The following DCDC1 variants were observed in gnomAD, a reference collection of about 807,000 sequenced individuals.
DCDC1 encodes doublecortin domain-containing protein 1.
A neutral mutation model predicts 178.3 loss-of-function variants in DCDC1; 200 were observed. The observed-to-expected ratio is 1.12, with a 90% confidence interval of 1.00 to 1.26. The LOEUF (loss-of-function observed/expected upper bound fraction) is 1.26. Ranked by LOEUF, DCDC1 falls within the 50% of genes most tolerant of loss-of-function variation. The pLI is 0.00. For missense variants in DCDC1, 1,983 were observed against 1,749.2 expected (o/e 1.13, Z -2.38); for synonymous variants, 690 against 604.8 (o/e 1.14, Z -2.07).
At position 30,899,597 on chromosome 11, in the gene DCDC1, T is replaced by C; in HGVS notation, c.4709A>G (p.Lys1570Arg). The C allele has an allele frequency of 1.9e-6, 3 of 1,580,710 alleles. No homozygotes were observed. The highest frequency in any genetic ancestry group is 2.6e-6 in the Non-Finnish European group (3 of 1,162,608). The change falls in exon 34 of 39, where the codon AAG becomes AGG. Residue 1570 changes from lysine (K) to arginine (R), a missense_variant. Transcript: ENST00000684477. Reference sequence around the variant, plus strand: ...ATCTAGATCAGCCAAAATTCTGTCCTTTTTTAGCCAGTTCTGTTTCTCTAA... The same window carrying C: ...ATCTAGATCAGCCAAAATTCTGTCCCTTTTTAGCCAGTTCTGTTTCTCTAA... ...EKLEKQNWLK[K>R]DRILADLDTM...
At chr11:30,890,234 T>G (rs74667602) in intron 36 of DCDC1, among the ~76,000 whole-genome samples, 1 of 152,202 alleles carries the variant, frequency 6.6e-6, no homozygotes. Flanking sequence ...CTGAGAAAAC[T>G]AATACATATG....
At position 31,026,889 on chromosome 11, in the gene DCDC1, T is replaced by C. The variant is rs546197789; in HGVS notation, c.2591+37580A>G. Among the ~76,000 whole-genome samples the C allele has an allele frequency of 7.0e-4, 106 of 151,920 alleles. 1 individual carries two copies. The highest frequency in any genetic ancestry group is 3.4e-3 in the Middle Eastern group (1 of 294). ...CATTTGCTATACTTTGTTACTATGT[T>C]CAGTCCTTAAAGCACAGCAACCCTC... On this transcript the variant is annotated intron_variant, in intron 20 of 38. Coordinates refer to ENST00000684477, the MANE Select transcript of DCDC1 (RefSeq NM_001387274.1).
intron 22 of DCDC1, among the ~76,000 whole-genome samples, chr11:30,926,893 T>TC (rs1339253134): frequency 1.1e-4 from 17 of 151,840 alleles, no homozygotes; most frequent in Non-Finnish European, 2.2e-4. Flanking sequence ...GGCCAGGAGT[T>TC]CAAGATCAGC....
intron 20 of DCDC1, among the ~76,000 whole-genome samples, chr11:31,047,932 CT>C (rs1954963881): frequency 6.6e-6 from 1 of 152,108 alleles, no homozygotes; most frequent in African/African-American, 2.4e-5. Context: ...ATATTTTGCA[CT>C]TTATACTAAT....
chr11:31,224,974 A>G (rs971226704), intron 9 of DCDC1, among the ~76,000 whole-genome samples: 1 of 152,208 alleles, frequency 6.6e-6, no homozygotes, highest in Admixed American at 6.5e-5. Flanking sequence ...CTGAAAGTAT[A>G]AAACTACCAT....
chr11:31,307,004 T>C (rs1948503893), intron 4 of DCDC1, among the ~76,000 whole-genome samples: 3 of 152,296 alleles, frequency 2.0e-5, no homozygotes, highest in Admixed American at 2.0e-4. Context: ...CAAAAGTATG[T>C]GGTAAACTGA....
At chr11:31,252,604 C>G (rs1037196740) in intron 8 of DCDC1, among the ~76,000 whole-genome samples, 3 of 151,750 alleles carry the variant, frequency 2.0e-5, no homozygotes, top group African/African-American at 7.3e-5. Flanking sequence ...TAGGGCCCCA[C>G]AAAGAGGAAT....
chr11:30,890,367 G>C (rs985068759), intron 36 of DCDC1, among the ~76,000 whole-genome samples: 1 of 152,070 alleles, frequency 6.6e-6, no homozygotes, highest in Admixed American at 6.6e-5. Flanking sequence ...TATTTACATG[G>C]GTGTCCCTAA....
chr11:31,055,484 A>G (rs974849704), intron 20 of DCDC1, among the ~76,000 whole-genome samples: 3 of 152,240 alleles, frequency 2.0e-5, no homozygotes, highest in African/African-American at 7.2e-5. Context: ...CATTTGATCC[A>G]GCAATCGCAC....
chr11:31,323,780 T>A (rs1949501375), intron 3 of DCDC1, among the ~76,000 whole-genome samples: 1 of 152,062 alleles, frequency 6.6e-6, no homozygotes, highest in Non-Finnish European at 1.5e-5. Flanking sequence ...ATAAAAGAAA[T>A]AACCCCACTT....
intron 36 of DCDC1, chr11:30,882,318 G>T (rs1009045459): frequency 4.6e-5 from 7 of 152,206 alleles, no homozygotes; most frequent in African/African-American, 1.7e-4. Context: ...AGTATTTTGA[G>T]TAAGGGATGA....
At chr11:30,986,340 TTTTTTTTTTTTGAGA>T (rs1467740748) in intron 20 of DCDC1, among the ~76,000 whole-genome samples, 1 of 151,178 alleles carries the variant, frequency 6.6e-6, no homozygotes, top group Non-Finnish European at 1.5e-5. Flanking sequence ...CTCTCTCTTT[TTTTTTTTTTTTGAGA>T]TGGAGTCTCG....
chr11:31,051,938 A>G (rs962802675), intron 20 of DCDC1, among the ~76,000 whole-genome samples: 1 of 152,162 alleles, frequency 6.6e-6, no homozygotes, highest in Non-Finnish European at 1.5e-5. Flanking sequence ...AACAAAAAAC[A>G]AACAAAAAAA....
chr11:31,207,973 G>A (rs1972067436), intron 9 of DCDC1, among the ~76,000 whole-genome samples: 1 of 152,038 alleles, frequency 6.6e-6, no homozygotes. Context: ...TGAGTTTTGT[G>A]TCTTAACAAC....
chr11:31,153,511 A>G (rs1342381462), intron 9 of DCDC1, among the ~76,000 whole-genome samples: 1 of 152,168 alleles, frequency 6.6e-6, no homozygotes, highest in Non-Finnish European at 1.5e-5. Flanking sequence ...GGCCAGTCGC[A>G]GTGGCTCACG....
At chr11:31,165,188 T>C (rs908769160) in intron 9 of DCDC1, among the ~76,000 whole-genome samples, 2 of 152,178 alleles carry the variant, frequency 1.3e-5, no homozygotes, top group Non-Finnish European at 2.9e-5. Flanking sequence ...CCTAACCCAT[T>C]GATGACACAG....
At chr11:30,957,431 T>C (rs1188255002) in intron 20 of DCDC1, among the ~76,000 whole-genome samples, 3 of 152,158 alleles carry the variant, frequency 2.0e-5, no homozygotes, top group Non-Finnish European at 1.5e-5. Flanking sequence ...GTTTTTACAT[T>C]ACCGAAGTCA....
intron 20 of DCDC1, among the ~76,000 whole-genome samples, chr11:30,963,747 T>C (rs558031103): frequency 6.6e-6 from 1 of 152,258 alleles, no homozygotes; most frequent in African/African-American, 2.4e-5. Flanking sequence ...AGCTTCGGGG[T>C]AAGCCTAAAT....
intron 9 of DCDC1, among the ~76,000 whole-genome samples, chr11:31,200,262 T>C (rs1971133016): frequency 1.3e-5 from 2 of 152,124 alleles, no homozygotes; most frequent in Non-Finnish European, 2.9e-5. Flanking sequence ...AATTAAGGAA[T>C]TCTCTTCAGG....
Sources: gnomAD v4.1 joint callset for allele counts (sites outside exome capture counted in the v4.1 genomes callset) on GRCh38, gnomAD v4.1.1 for gene constraint, MANE v1.5 for transcripts, NCBI Gene and HGNC (gene_info 2026-07-23, HGNC 2026-07-21) for gene names.